The following TXNRD3 variants were observed in gnomAD, a reference collection of about 807,000 sequenced individuals.
The protein encoded by TXNRD3 is TXNRD3 neighbor gene protein.
TXNRD3 carries 68 observed loss-of-function variants against 78.2 expected under a neutral mutation model. The ratio of observed to expected loss-of-function variants is 0.87; its 90% CI spans 0.72 to 1.06. The LOEUF (loss-of-function observed/expected upper bound fraction) is 1.06. TXNRD3 is among the 50% of genes least tolerant of loss of function. TXNRD3 has a pLI of 0.00. For synonymous variants in TXNRD3, 296 were observed against 300.1 expected (o/e 0.99, Z 0.14); for missense variants, 751 against 809.5 (o/e 0.93, Z 0.88).
At chr3:126,647,404 A>G (rs1379234845) in intron 1 of TXNRD3, 108 bp from the exon 2 acceptor site, 2 of 785,298 alleles carry the variant, frequency 2.5e-6, no homozygotes, top group Non-Finnish European at 4.0e-6. Flanking sequence ...GAGGAACAGG[A>G]GTTCTAGCCA....
chr3:126,630,334 CTTTG>C (rs1411482151), intron 9 of TXNRD3, among the ~76,000 whole-genome samples: 1 of 152,102 alleles, frequency 6.6e-6, no homozygotes, highest in East Asian at 1.9e-4. Context: ...CAGAGTTGTT[CTTTG>C]TTTTTTTGTA....
chr3:126,655,084 G>A lies in TXNRD3; in HGVS notation c.-94C>T. 7.7e-7 allele frequency: 1 copy of A among 1,297,134 alleles called. No homozygotes were observed. Among genetic ancestry groups the A allele is most frequent in the South Asian group, 2.1e-5 (1 of 47,344 alleles). 80.4% of individuals were successfully genotyped at this position (1,297,134 alleles called of 1,614,324 possible). A position where few individuals can be genotyped will look rare whatever the true frequency, so the allele number is the denominator to read the frequency against. On this transcript the variant is annotated 5_prime_UTR_variant, in exon 1 of 16. Coordinates refer to ENST00000524230, the MANE Select transcript of TXNRD3 (RefSeq NM_052883.3). ...GGACGGGGCCTGAGGGGCGGCGAACGCTGCCCTCGCTGGCCACTCTCACCA... is the reference window on the plus strand; with the variant it reads ...GGACGGGGCCTGAGGGGCGGCGAACACTGCCCTCGCTGGCCACTCTCACCA...
chr3:126,646,089 G>A, intron 3 of TXNRD3, 22 bp downstream of exon 3: 1 of 1,470,612 alleles, frequency 6.8e-7, no homozygotes, highest in Non-Finnish European at 9.0e-7. Flanking sequence ...CAGCATTGAA[G>A]AACATATAAT....
intron 7 of TXNRD3, among the ~76,000 whole-genome samples, chr3:126,633,128 T>C (rs1455667324): frequency 6.6e-6 from 1 of 152,232 alleles, no homozygotes; most frequent in Non-Finnish European, 1.5e-5. Context: ...ATCCAAAATA[T>C]AGATTATATG....
rs148730646 is a variant in TXNRD3 at position 126,634,047 on chromosome 3, C to T, written c.717G>A (p.Arg239=). 6.9e-3 allele frequency: 10,240 copies of T among 1,494,568 alleles called. 47 individuals carry two copies. The highest frequency in any genetic ancestry group is 8.3e-3 in the Non-Finnish European group (9,339 of 1,127,098). 92.6% of individuals were successfully genotyped at this position (1,494,568 alleles called of 1,614,324 possible). Reference sequence around the variant, plus strand: ...CTTTTGTCATTGTCTCCCAGTTGTGCCTCACTAAGAAGAAATAATCAGGGT... The same window carrying T: ...CTTTTGTCATTGTCTCCCAGTTGTGTCTCACTAAGAAGAAATAATCAGGGT... The change falls in exon 7 of 16, where the codon AGG becomes AGA. Residue 239 remains arginine (R), a synonymous_variant. Transcript: ENST00000524230.
chr3:126,635,217 A>T (rs1175470283), intron 6 of TXNRD3, among the ~76,000 whole-genome samples: 1 of 152,206 alleles, frequency 6.6e-6, no homozygotes, highest in Non-Finnish European at 1.5e-5. Context: ...TGTCAGCTCA[A>T]CTAACAGTTC....
chr3:126,644,218 T>G (rs1170180898), intron 4 of TXNRD3, 79 bp downstream of exon 4: 76 of 1,351,860 alleles, frequency 5.6e-5, no homozygotes, highest in Non-Finnish European at 6.7e-5. Context: ...CATTAGTTTG[T>G]TTTTTTTTAA....
In TXNRD3 at chr3:126,630,805, A is replaced by G. The variant is rs1274624562; in HGVS notation, c.1104T>C (p.Leu368=). ...CCATTTCTTGGTCGAAGCCACGGAG[A>G]AGGATTGAGCGTACCATAACTGTGA... Residue 368 remains leucine, a synonymous_variant, in exon 9 of 16, where the codon CTT becomes CTC. Transcript: ENST00000524230. 1 of 1,535,448 alleles carries G rather than the reference A, an allele frequency of 6.5e-7. No homozygotes were observed. Among genetic ancestry groups the G allele is most frequent in the Non-Finnish European group, 8.7e-7 (1 of 1,146,882 alleles).
chr3:126,631,082 G>C, intron 8 of TXNRD3, 145 bp from the exon 9 acceptor site: 1 of 836,066 alleles, frequency 1.2e-6, no homozygotes, highest in Non-Finnish European at 1.8e-6. Flanking sequence ...TTGTAATTGA[G>C]TCTGCTGTGG....
intron 12 of TXNRD3, among the ~76,000 whole-genome samples, chr3:126,620,294 C>CA (rs10539573): frequency 0.035 from 3,473 of 99,384 alleles, 165 homozygotes; most frequent in African/African-American, 0.1. Flanking sequence ...GACTCTGTCT[C>CA]AAAAAAAAAA....
chr3:126,624,331 C>T (rs887393431), intron 10 of TXNRD3, among the ~76,000 whole-genome samples: 1 of 152,126 alleles, frequency 6.6e-6, no homozygotes, highest in Admixed American at 6.5e-5. Context: ...TACCACTGAG[C>T]TTCAGTAATC....
At chr3:126,623,851 C>CAAAAAAAAAAAAAAAAA (rs758992893) in intron 10 of TXNRD3, among the ~76,000 whole-genome samples, 7 of 89,748 alleles carry the variant, frequency 7.8e-5, no homozygotes, top group Non-Finnish European at 1.4e-4. Context: ...TGAAACAAGG[C>CAAAAAAAAAAAAAAAAA]CAAAAAAAAA....
chr3:126,623,257 G>C (rs149132059), intron 10 of TXNRD3, among the ~76,000 whole-genome samples: 1,620 of 152,272 alleles, frequency 0.011, 12 homozygotes, highest in Non-Finnish European at 0.019. Context: ...CTATAGGAAA[G>C]TCTATGGAAT....
chr3:126,648,530 A>C (rs1458484807), intron 1 of TXNRD3, among the ~76,000 whole-genome samples: 4 of 152,244 alleles, frequency 2.6e-5, no homozygotes, highest in Non-Finnish European at 1.5e-5. Flanking sequence ...GAAAGGACAG[A>C]AATAAAGCCT....
Position 126,642,149 on chromosome 3 carries a change from G to A in TXNRD3, c.595C>T (p.Leu199Phe), listed in dbSNP as rs1231145809. 1 of 1,531,072 alleles carries A rather than the reference G, an allele frequency of 6.5e-7. No individual in the cohort carries two copies. The highest frequency in any genetic ancestry group is 2.4e-5 in the East Asian group (1 of 40,846). 94.8% of individuals were successfully genotyped at this position (1,531,072 alleles called of 1,614,324 possible). ...CCTACATTTACACAAGTGCCACCAAGACCTGAGGAAGAAAATAAGTTTTAA... is the reference window on the plus strand; with the variant it reads ...CCTACATTTACACAAGTGCCACCAAAACCTGAGGAAGAAAATAAGTTTTAA... Residue 199 changes from leucine to phenylalanine, a missense_variant and splice_region_variant, in exon 6 of 16, where the codon CTT becomes TTT. Transcript: ENST00000524230.
Position 126,607,792 on chromosome 3 carries a change from C to T in TXNRD3, c.*113G>A. On this transcript the variant is annotated 3_prime_UTR_variant, in exon 16 of 16. Transcript: ENST00000524230. The stretch of plus-strand genomic sequence containing the variant: ...CTAAGTGTCGTAAGACAGCCCTGCA[C>T]TGGTCCCTGAGTAACAGAGCAGCTG... 1.2e-6 allele frequency: 1 copy of T among 809,972 alleles called. No individual in the cohort carries two copies. The highest frequency in any genetic ancestry group is 1.8e-6 in the Non-Finnish European group (1 of 542,658). The allele number at this position is 809,972 out of a possible 1,614,324, so 50.2% of individuals were successfully genotyped here. A position where few individuals can be genotyped will look rare whatever the true frequency, so the allele number is the denominator to read the frequency against.
At chr3:126,636,285 C>A (rs1347852405) in intron 6 of TXNRD3, among the ~76,000 whole-genome samples, 1 of 152,156 alleles carries the variant, frequency 6.6e-6, no homozygotes, top group African/African-American at 2.4e-5. Flanking sequence ...TCATGTATAA[C>A]ATAACTCATA....
intron 13 of TXNRD3, among the ~76,000 whole-genome samples, chr3:126,614,939 G>C (rs1463663007): frequency 6.6e-6 from 1 of 152,124 alleles, no homozygotes; most frequent in Non-Finnish European, 1.5e-5. Flanking sequence ...GGGTAAACAA[G>C]AGGTAGCAAT....
chr3:126,655,076 C>A lies in TXNRD3; in HGVS notation c.-86G>T. 2.3e-6 allele frequency: 3 copies of A among 1,295,586 alleles called. No homozygotes were observed. Among genetic ancestry groups the A allele is most frequent in the Non-Finnish European group, 2.9e-6 (3 of 1,022,388 alleles). 80.3% of individuals were successfully genotyped at this position (1,295,586 alleles called of 1,614,324 possible). A position where few individuals can be genotyped will look rare whatever the true frequency, so the allele number is the denominator to read the frequency against. ...CGGCGCCGGGACGGGGCCTGAGGGG[C>A]GGCGAACGCTGCCCTCGCTGGCCAC... On this transcript the variant is annotated 5_prime_UTR_variant, in exon 1 of 16. Transcript: ENST00000524230.
Sources: gnomAD v4.1 joint callset for allele counts (sites outside exome capture counted in the v4.1 genomes callset) on GRCh38, gnomAD v4.1.1 for gene constraint, MANE v1.5 for transcripts, NCBI Gene and HGNC (gene_info 2026-07-23, HGNC 2026-07-21) for gene names.